Variants in WDHD1 observed in about 807,000 individuals in gnomAD.
WDHD1 encodes WD repeat and HMG-box DNA-binding protein 1.
In WDHD1, 111 loss-of-function variants were observed where a neutral mutation model predicts 135.4. The observed-to-expected ratio is 0.82, with a 90% CI of 0.70 to 0.96. The LOEUF (loss-of-function observed/expected upper bound fraction) is 0.96, where lower values mean the gene tolerates loss of function less well. WDHD1 is among the 40% of genes least tolerant of loss of function. The pLI is 0.00. For missense variants in WDHD1, 1,351 were observed against 1,336.3 expected (o/e 1.01, Z -0.17); for synonymous variants, 434 against 439.0 (o/e 0.99, Z 0.14).
At chr14:54,990,944 T>C (rs1595099208) in intron 12 of WDHD1, among the ~76,000 whole-genome samples, 2 of 152,258 alleles carry the variant, frequency 1.3e-5, no homozygotes, top group East Asian at 3.9e-4. Flanking sequence ...TGCCAAGAAA[T>C]ATTGCAAGAT....
At chr14:55,022,655 C>T (rs952336857) in intron 2 of WDHD1, among the ~76,000 whole-genome samples, 2 of 151,450 alleles carry the variant, frequency 1.3e-5, no homozygotes, top group African/African-American at 4.9e-5. Flanking sequence ...GCACTCCAGC[C>T]GGTGAGACAG....
At chr14:55,020,944 A>G (rs1473794370) in intron 2 of WDHD1, among the ~76,000 whole-genome samples, 2 of 152,358 alleles carry the variant, frequency 1.3e-5, no homozygotes, top group East Asian at 1.9e-4. Flanking sequence ...GAAGTAGATC[A>G]TCATAAAGGT....
intron 10 of WDHD1, among the ~76,000 whole-genome samples, chr14:54,997,747 C>T (rs201150906): frequency 6.6e-6 from 1 of 151,940 alleles, no homozygotes; most frequent in East Asian, 2.0e-4. Context: ...CCCGTCTCTA[C>T]TAAAAATGCA....
intron 13 of WDHD1, among the ~76,000 whole-genome samples, chr14:54,987,851 T>G (rs1223915266): frequency 3.3e-5 from 5 of 152,172 alleles, no homozygotes; most frequent in Non-Finnish European, 7.4e-5. Context: ...GGTCTCAAAC[T>G]CTTGAGCTCA....
At chr14:54,949,616 G>C in intron 24 of WDHD1, among the ~76,000 whole-genome samples, 1 of 152,174 alleles carries the variant, frequency 6.6e-6, no homozygotes, top group Non-Finnish European at 1.5e-5. Flanking sequence ...AACCTAGCAA[G>C]GCAGGCCAAC....
At chr14:54,983,936 ATT>A (rs2041657999) in intron 15 of WDHD1, among the ~76,000 whole-genome samples, 1 of 152,164 alleles carries the variant, frequency 6.6e-6, no homozygotes, top group African/African-American at 2.4e-5. Flanking sequence ...AAAAAAATTG[ATT>A]TTTATATCTT....
Position 55,016,382 on chromosome 14 carries a change from T to C in WDHD1, c.78-2786A>G, listed in dbSNP as rs570759251. 2.0e-5 allele frequency among the ~76,000 whole-genome samples: 3 copies of C among 152,320 alleles called. No homozygotes were observed. In the South Asian group the frequency reaches 6.2e-4, roughly 32 times the overall value. On this transcript the variant is annotated intron_variant, in intron 2 of 25. Coordinates refer to ENST00000360586, the MANE Select transcript of WDHD1 (RefSeq NM_007086.4). ...CTCAGGAAAGTTGATAATGAAAATATAACTTGAATAAAATGTTTGTTGACA... is the reference window on the plus strand; with the variant it reads ...CTCAGGAAAGTTGATAATGAAAATACAACTTGAATAAAATGTTTGTTGACA...
At chr14:54,943,157 C>T (rs1394046113) in intron 25 of WDHD1, among the ~76,000 whole-genome samples, 2 of 152,290 alleles carry the variant, frequency 1.3e-5, no homozygotes, top group East Asian at 3.9e-4. Flanking sequence ...CACACACATT[C>T]CTTCCACTTC....
At chr14:54,955,385 T>G (rs1225316116) in intron 24 of WDHD1, among the ~76,000 whole-genome samples, 176 bp downstream of exon 24, 1 of 152,178 alleles carries the variant, frequency 6.6e-6, no homozygotes, top group African/African-American at 2.4e-5. Context: ...TTAATAAATA[T>G]TATAAATAGA....
chr14:54,960,196 C>G (rs2041228184), intron 21 of WDHD1, among the ~76,000 whole-genome samples: 1 of 152,172 alleles, frequency 6.6e-6, no homozygotes, highest in Non-Finnish European at 1.5e-5. Flanking sequence ...GAGATGGAGT[C>G]TCGCTCTGTC....
intron 16 of WDHD1, among the ~76,000 whole-genome samples, chr14:54,979,111 T>C (rs2041576239): frequency 6.6e-6 from 1 of 152,168 alleles, no homozygotes; most frequent in African/African-American, 2.4e-5. Flanking sequence ...CAAAGACTTT[T>C]TATCCTCCTT....
At chr14:54,995,912 C>G in intron 10 of WDHD1, 99 bp from the exon 11 acceptor site, 1 of 887,774 alleles carries the variant, frequency 1.1e-6, no homozygotes, top group Non-Finnish European at 1.6e-6. Flanking sequence ...ATAAATTCTA[C>G]CAAGCAGCAA....
At chr14:55,019,131 A>G (rs1411018140) in intron 2 of WDHD1, among the ~76,000 whole-genome samples, 1 of 152,250 alleles carries the variant, frequency 6.6e-6, no homozygotes, top group Non-Finnish European at 1.5e-5. Context: ...AAAAATTAAA[A>G]TAACACTGTA....
intron 5 of WDHD1, 116 bp downstream of exon 5, chr14:55,008,492 G>T (rs749664768): frequency 7.0e-7 from 1 of 1,432,908 alleles, no homozygotes; most frequent in Non-Finnish European, 9.5e-7. Flanking sequence ...CTCTCTTACT[G>T]AATAAAACAA....
At chr14:54,959,856 C>G (rs765184243) in intron 21 of WDHD1, among the ~76,000 whole-genome samples, 1 of 152,140 alleles carries the variant, frequency 6.6e-6, no homozygotes, top group Non-Finnish European at 1.5e-5. Context: ...TTTTATTTAT[C>G]TCGTTTCTGA....
At chr14:55,006,424 T>C (rs1223847073) in intron 7 of WDHD1, among the ~76,000 whole-genome samples, 6 of 152,220 alleles carry the variant, frequency 3.9e-5, no homozygotes, top group African/African-American at 1.4e-4. Flanking sequence ...TGGCTATTGT[T>C]TGTATACAGG....
intron 21 of WDHD1, among the ~76,000 whole-genome samples, chr14:54,960,251 T>C (rs1455457049): frequency 1.3e-5 from 2 of 151,990 alleles, no homozygotes; most frequent in Non-Finnish European, 2.9e-5. Flanking sequence ...CACTGCAAGC[T>C]CTGCCTCCCG....
chr14:54,994,778 C>T (rs1487282752), intron 11 of WDHD1, among the ~76,000 whole-genome samples: 1 of 149,662 alleles, frequency 6.7e-6, no homozygotes, highest in African/African-American at 2.5e-5. Flanking sequence ...AAAAAAAAAT[C>T]CGGTTGCACT....
chr14:55,013,194 C>CAAAAAAAAAAAAAAAAAAAAAA (rs71448422), intron 3 of WDHD1, among the ~76,000 whole-genome samples: 10 of 82,320 alleles, frequency 1.2e-4, no homozygotes, highest in East Asian at 4.3e-4. Context: ...GATCCCGTTT[C>CAAAAAAAAAAAAAAAAAAAAAA]AAAAAAAAAA....
Sources: gnomAD v4.1 joint callset for allele counts (sites outside exome capture counted in the v4.1 genomes callset) on GRCh38, gnomAD v4.1.1 for gene constraint, MANE v1.5 for transcripts, NCBI Gene and HGNC (gene_info 2026-07-23, HGNC 2026-07-21) for gene names.